The following RBFOX1 variants were observed in gnomAD, a reference collection of about 807,000 sequenced individuals.
RBFOX1 encodes the protein RNA binding fox-1 homolog 1.
A neutral mutation model predicts 57.7 loss-of-function variants in RBFOX1; 8 were observed. That is an observed-to-expected ratio of 0.14 (90% CI 0.08 to 0.25). The LOEUF (loss-of-function observed/expected upper bound fraction) is 0.25, where lower values mean the gene tolerates loss of function less well. Among genes scored for constraint, RBFOX1 ranks in the 10% least tolerant of loss-of-function variants. The pLI is 1.00. For synonymous variants in RBFOX1, 326 were observed against 222.4 expected, an observed-to-expected ratio of 1.47 and a Z score of -4.15; for missense variants, 611 against 548.5, an observed-to-expected ratio of 1.11 and a Z score of -1.14.
intron 3 of RBFOX1, among the ~76,000 whole-genome samples, chr16:6,954,455 C>T (rs538874174): frequency 2.6e-5 from 4 of 152,204 alleles, no homozygotes; most frequent in Non-Finnish European, 4.4e-5. Context: ...AATTGTCAAG[C>T]AGGAACAAAA....
intron 1 of RBFOX1, among the ~76,000 whole-genome samples, chr16:6,208,630 C>G (rs897651071): frequency 2.6e-5 from 4 of 152,134 alleles, no homozygotes; most frequent in African/African-American, 9.7e-5. Flanking sequence ...AAATACGTAG[C>G]GCTGCACAGT....
intron 10 of RBFOX1, among the ~76,000 whole-genome samples, chr16:7,627,118 C>A (rs563023948): frequency 1.5e-5 from 2 of 135,074 alleles, no homozygotes; most frequent in South Asian, 5.2e-4. Context: ...GAAGCCCCTC[C>A]GCCTCCTTTT....
At chr16:6,926,015 CCT>C (rs1186451029) in intron 3 of RBFOX1, among the ~76,000 whole-genome samples, 17 of 152,034 alleles carry the variant, frequency 1.1e-4, no homozygotes, top group African/African-American at 4.1e-4. Context: ...TGCTCAAAAA[CCT>C]CAACTTGCTG....
At chr16:6,430,360 A>T (rs2094044856) in intron 2 of RBFOX1, among the ~76,000 whole-genome samples, 1 of 152,194 alleles carries the variant, frequency 6.6e-6, no homozygotes, top group African/African-American at 2.4e-5. Context: ...AATGTGAACA[A>T]TTAGAATTTG....
In RBFOX1 at chr16:5,898,333, G is replaced by T. The variant is rs571233004; in HGVS notation, c.351+30998G>T. Among the ~76,000 whole-genome samples, 67 of 152,226 alleles carry T rather than the reference G, an allele frequency of 4.4e-4. 1 individual carries two copies. Among genetic ancestry groups the T allele is most frequent in the African/African-American group, 1.5e-3 (63 of 41,520 alleles). ...GGGGACATGGCCAAACCATGTCAGG[G>T]TATCATAGAGCAAGATCTTAACTCT... On this transcript the variant is annotated intron_variant, in intron 4 of 19. Transcript: ENST00000641259.
intron 9 of RBFOX1, among the ~76,000 whole-genome samples, chr16:7,603,251 T>C (rs562942023): frequency 5.4e-4 from 82 of 152,228 alleles, no homozygotes; most frequent in Non-Finnish European, 2.5e-4. Flanking sequence ...AAAAAAAAAT[T>C]TGTCTATTAG....
At chr16:5,353,092 G>A (rs2065299816) in intron 1 of RBFOX1, among the ~76,000 whole-genome samples, 1 of 152,028 alleles carries the variant, frequency 6.6e-6, no homozygotes, top group Non-Finnish European at 1.5e-5. Flanking sequence ...TCTTTGTTCA[G>A]GCTGGGTGTG....
intron 4 of RBFOX1, among the ~76,000 whole-genome samples, chr16:7,102,850 A>C (rs1406322401): frequency 6.6e-6 from 1 of 152,154 alleles, no homozygotes; most frequent in Non-Finnish European, 1.5e-5. Context: ...CTAATTTCAA[A>C]AGAATTTTTC....
chr16:7,409,046 A>C (rs1252885013), intron 4 of RBFOX1, among the ~76,000 whole-genome samples: 1 of 152,122 alleles, frequency 6.6e-6, no homozygotes, highest in Non-Finnish European at 1.5e-5. Flanking sequence ...GTCTAAATGC[A>C]CTGCAAAGAC....
chr16:6,648,679 C>A (rs940996886), intron 2 of RBFOX1, among the ~76,000 whole-genome samples: 1 of 152,082 alleles, frequency 6.6e-6, no homozygotes, highest in African/African-American at 2.4e-5. Context: ...TCCGTGCAAA[C>A]CTCATATTTT....
chr16:7,531,818 T>A (rs1161790222), intron 5 of RBFOX1, among the ~76,000 whole-genome samples: 1 of 152,152 alleles, frequency 6.6e-6, no homozygotes, highest in Non-Finnish European at 1.5e-5. Context: ...CAGGCAAATA[T>A]CTTAACAATC....
intron 2 of RBFOX1, among the ~76,000 whole-genome samples, chr16:6,402,868 G>C (rs754649323): frequency 6.6e-6 from 1 of 152,188 alleles, no homozygotes; most frequent in African/African-American, 2.4e-5. Context: ...AAGTGTAACC[G>C]AGATGTAATT....
chr16:5,271,484 A>T (rs1355594227), intron 1 of RBFOX1, among the ~76,000 whole-genome samples: 1 of 152,184 alleles, frequency 6.6e-6, no homozygotes, highest in Non-Finnish European at 1.5e-5. Context: ...TCCACTTTTC[A>T]CTGGGAACTG....
intron 3 of RBFOX1, among the ~76,000 whole-genome samples, chr16:5,840,910 T>C (rs2056605001): frequency 6.6e-6 from 1 of 152,170 alleles, no homozygotes; most frequent in African/African-American, 2.4e-5. Flanking sequence ...CTTCTGCCTC[T>C]CTTCAACCAA....
At chr16:5,719,419 C>G (rs1403196253) in intron 3 of RBFOX1, among the ~76,000 whole-genome samples, 1 of 151,458 alleles carries the variant, frequency 6.6e-6, no homozygotes, top group African/African-American at 2.4e-5. Context: ...ACCATGTTCG[C>G]CAGGATGGTC....
intron 1 of RBFOX1, among the ~76,000 whole-genome samples, chr16:5,397,723 A>G (rs187255980): frequency 1.3e-5 from 2 of 152,362 alleles, no homozygotes; most frequent in Admixed American, 6.5e-5. Flanking sequence ...CTTGATTCAC[A>G]CATGATAAGA....
At chr16:6,518,707 ATCCG>A (rs776855090) in intron 2 of RBFOX1, among the ~76,000 whole-genome samples, 16 of 152,008 alleles carry the variant, frequency 1.1e-4, no homozygotes, top group African/African-American at 3.1e-4. Context: ...GTATCTGTCC[ATCCG>A]TCCGTCCGTC....
chr16:6,607,096 C>T (rs1269219396), intron 2 of RBFOX1, among the ~76,000 whole-genome samples: 3 of 152,178 alleles, frequency 2.0e-5, no homozygotes, highest in Admixed American at 1.3e-4. Context: ...GCCTTCCAAA[C>T]CTACTGACTA....
At chr16:6,632,455 G>T (rs910276645) in intron 2 of RBFOX1, among the ~76,000 whole-genome samples, 1 of 152,214 alleles carries the variant, frequency 6.6e-6, no homozygotes, top group Admixed American at 6.5e-5. Context: ...GTGGTTATGA[G>T]GATAGTGTTA....
Sources: gnomAD v4.1 joint callset for allele counts (sites outside exome capture counted in the v4.1 genomes callset) on GRCh38, gnomAD v4.1.1 for gene constraint, MANE v1.5 for transcripts, NCBI Gene and HGNC (gene_info 2026-07-23, HGNC 2026-07-21) for gene names.